The following TAFA5 variants were observed in gnomAD, a reference collection of about 807,000 sequenced individuals.
TAFA5 encodes TAFA chemokine like family member 5.
TAFA5 carries 6 observed loss-of-function variants against 15.3 expected under a neutral mutation model. The observed-to-expected ratio is 0.39, with a 90% CI of 0.21 to 0.77. The LOEUF (loss-of-function observed/expected upper bound fraction) is 0.77. TAFA5 is among the 30% of genes least tolerant of loss of function. The pLI is 0.41. For synonymous variants in TAFA5, 103 were observed against 80.7 expected (o/e 1.28, Z -1.48); for missense variants, 161 against 193.1 (o/e 0.83, Z 0.98).
intron 1 of TAFA5, among the ~76,000 whole-genome samples, chr22:48,611,425 G>A (rs1601614543): frequency 6.6e-6 from 1 of 152,310 alleles, no homozygotes. Context: ...TGTCAGCCCG[G>A]ATGGGGCAGC....
At chr22:48,673,637 G>T (rs1179474538) in intron 2 of TAFA5, among the ~76,000 whole-genome samples, 1 of 152,206 alleles carries the variant, frequency 6.6e-6, no homozygotes, top group South Asian at 2.1e-4. Flanking sequence ...TGTACTGTGT[G>T]TAGGGCTTGG....
intron 3 of TAFA5, among the ~76,000 whole-genome samples, chr22:48,746,416 C>T (rs2147277734): frequency 6.6e-6 from 1 of 152,154 alleles, no homozygotes; most frequent in South Asian, 2.1e-4. Flanking sequence ...ATGGCTTGAG[C>T]CCAGGAGTTC....
At chr22:48,681,480 TA>T (rs1288242217) in intron 2 of TAFA5, among the ~76,000 whole-genome samples, 141 of 87,996 alleles carry the variant, frequency 1.6e-3, no homozygotes, top group African/African-American at 6.6e-3. Flanking sequence ...CTGTCTCTAC[TA>T]AAAAAATACA....
chr22:48,701,800 G>T (rs546766993), intron 2 of TAFA5, among the ~76,000 whole-genome samples: 12 of 152,158 alleles, frequency 7.9e-5, no homozygotes, highest in Non-Finnish European at 1.8e-4. Context: ...TCCCCTGGCT[G>T]CCTCCCTCCC....
intron 1 of TAFA5, among the ~76,000 whole-genome samples, chr22:48,624,238 G>C (rs777611305): frequency 6.6e-6 from 1 of 152,228 alleles, no homozygotes; most frequent in African/African-American, 2.4e-5. Context: ...CCAAAGTGAA[G>C]TGCCCTTCTC....
chr22:48,578,314 T>A (rs1445786807), intron 1 of TAFA5, among the ~76,000 whole-genome samples: 1 of 152,232 alleles, frequency 6.6e-6, no homozygotes, highest in African/African-American at 2.4e-5. Context: ...TGACAAGGGC[T>A]TCCTTTCTGC....
intron 1 of TAFA5, among the ~76,000 whole-genome samples, chr22:48,637,573 C>A (rs145532970): frequency 1.2e-4 from 19 of 152,316 alleles, no homozygotes; most frequent in African/African-American, 4.1e-4. Flanking sequence ...CCCCTGTGGT[C>A]ATGAGGCGGC....
intron 1 of TAFA5, among the ~76,000 whole-genome samples, chr22:48,587,899 C>A (rs1424597670): frequency 6.6e-6 from 1 of 152,268 alleles, no homozygotes; most frequent in Non-Finnish European, 1.5e-5. Context: ...CTGAACTTCC[C>A]AGAAGCAGCC....
At chr22:48,618,222 C>G (rs531063222) in intron 1 of TAFA5, among the ~76,000 whole-genome samples, 5 of 152,250 alleles carry the variant, frequency 3.3e-5, no homozygotes, top group African/African-American at 1.2e-4. Flanking sequence ...GTCTCTACAC[C>G]TGCCCCAGTC....
At chr22:48,682,146 G>A (rs2147231186) in intron 2 of TAFA5, among the ~76,000 whole-genome samples, 1 of 152,274 alleles carries the variant, frequency 6.6e-6, no homozygotes, top group East Asian at 1.9e-4. Context: ...CCAGAACTCT[G>A]TCCTCCTGCT....
intron 3 of TAFA5, among the ~76,000 whole-genome samples, chr22:48,748,159 C>T (rs753786696): frequency 1.3e-5 from 2 of 152,320 alleles, no homozygotes; most frequent in African/African-American, 2.4e-5. Flanking sequence ...ATCAGGTGCC[C>T]GCAGGTGAAG....
chr22:48,676,333 G>C (rs58173129), intron 2 of TAFA5, among the ~76,000 whole-genome samples: 4,701 of 152,334 alleles, frequency 0.031, 249 homozygotes, highest in African/African-American at 0.11. Context: ...GAGCCTTTGA[G>C]GGAGGGTGGA....
At chr22:48,578,977 CTTG>C (rs2147144396) in intron 1 of TAFA5, among the ~76,000 whole-genome samples, 1 of 152,340 alleles carries the variant, frequency 6.6e-6, no homozygotes, top group South Asian at 2.1e-4. Context: ...ACAATTGTGA[CTTG>C]TTGTCTGGGC....
rs1250479775 is a variant in TAFA5 at position 48,611,024 on chromosome 22, C to T, written c.113-35573C>T. On this transcript the variant is annotated intron_variant, in intron 1 of 3. Coordinates refer to ENST00000402357, the MANE Select transcript of TAFA5 (RefSeq NM_001082967.3). ...TCTCGGCTCGCTGCAACCTCCACCT[C>T]CTGGGTTCAAGCGATTCTCCTGCCT... 2.0e-5 allele frequency among the ~76,000 whole-genome samples: 3 copies of T among 151,924 alleles called. No homozygotes were observed. The East Asian group carries it at 5.8e-4, about 29-fold the overall frequency.
chr22:48,698,787 C>T (rs1928808986), intron 2 of TAFA5, among the ~76,000 whole-genome samples: 1 of 151,044 alleles, frequency 6.6e-6, no homozygotes, highest in Non-Finnish European at 1.5e-5. Context: ...CTGGGCTCTA[C>T]AGGCCCCGTG....
rs369328449 is a variant in TAFA5 at position 48,665,414 on chromosome 22, C to T, written c.262+18668C>T. ...CTAAGTCGAATTGATTCATCTTTTC[C>T]CTTCCAGGTCGTGTGTTTTGCATTC... On this transcript the variant is annotated intron_variant, in intron 2 of 3. Transcript: ENST00000402357. 2.6e-5 allele frequency among the ~76,000 whole-genome samples: 4 copies of T among 152,232 alleles called. No homozygotes were observed. In the East Asian group the frequency reaches 7.7e-4, roughly 29 times the overall value.
At chr22:48,731,477 C>A (rs939923286) in intron 3 of TAFA5, among the ~76,000 whole-genome samples, 1 of 152,228 alleles carries the variant, frequency 6.6e-6, no homozygotes, top group African/African-American at 2.4e-5. Context: ...TGCCTGGTTT[C>A]GAAGCACCAG....
chr22:48,658,286 T>C (rs927430975), intron 2 of TAFA5, among the ~76,000 whole-genome samples: 39 of 152,188 alleles, frequency 2.6e-4, no homozygotes, highest in African/African-American at 7.2e-4. Flanking sequence ...GTTCCTATTA[T>C]GGCCCATCTG....
chr22:48,708,596 G>A (rs1297035100), intron 3 of TAFA5, among the ~76,000 whole-genome samples: 1 of 152,226 alleles, frequency 6.6e-6, no homozygotes, highest in Non-Finnish European at 1.5e-5. Context: ...GCATTCCCAT[G>A]AGGTGGCCTC....
Sources: gnomAD v4.1 joint callset for allele counts (sites outside exome capture counted in the v4.1 genomes callset) on GRCh38, gnomAD v4.1.1 for gene constraint, MANE v1.5 for transcripts, NCBI Gene and HGNC (gene_info 2026-07-23, HGNC 2026-07-21) for gene names.